The following SLC22A24 variants were observed in gnomAD, a reference collection of about 807,000 sequenced individuals.
The protein encoded by SLC22A24 is steroid transmembrane transporter SLC22A24.
SLC22A24 carries 53 observed loss-of-function variants against 49.8 expected under a neutral mutation model. The observed-to-expected ratio is 1.06, with a 90% confidence interval of 0.85 to 1.34. The LOEUF is 1.34. Among genes scored for constraint, SLC22A24 ranks in the 40% most tolerant of loss-of-function variants. The probability of loss-of-function intolerance (pLI) is 0.00; values close to 1 mark genes in which losing one functional copy is unlikely to be tolerated. For missense variants in SLC22A24, 786 were observed against 675.9 expected (o/e 1.16, Z -1.81); for synonymous variants, 302 against 256.4 (o/e 1.18, Z -1.70).
At chr11:63,096,970 G>A (rs2087058511) in intron 5 of SLC22A24, among the ~76,000 whole-genome samples, 1 of 152,042 alleles carries the variant, frequency 6.6e-6, no homozygotes. Context: ...AATATAAAAT[G>A]TATTTAGCAC....
intron 6 of SLC22A24, among the ~76,000 whole-genome samples, chr11:63,091,926 G>T (rs1314619658): frequency 3.9e-5 from 6 of 152,090 alleles, no homozygotes. Context: ...GCATGAGAAA[G>T]AAATAAAGGT....
intron 2 of SLC22A24, among the ~76,000 whole-genome samples, chr11:63,130,154 A>G (rs999755788): frequency 2.8e-4 from 42 of 152,178 alleles, no homozygotes; most frequent in African/African-American, 9.9e-4. Context: ...CGTTCCATCT[A>G]TACCTAGTTT....
chr11:63,139,573 C>T (rs1344769717), intron 1 of SLC22A24, among the ~76,000 whole-genome samples: 1 of 152,138 alleles, frequency 6.6e-6, no homozygotes, highest in African/African-American at 2.4e-5. Context: ...TCCCCAACCC[C>T]CAATGAGAAA....
intron 1 of SLC22A24, among the ~76,000 whole-genome samples, chr11:63,141,325 G>T (rs2087414357): frequency 6.6e-6 from 1 of 152,188 alleles, no homozygotes; most frequent in South Asian, 2.1e-4. Flanking sequence ...TAAACGGCAG[G>T]AAATAAAAGG....
Position 63,108,417 on chromosome 11 carries a change from G to C in SLC22A24, c.831-4119C>G, listed in dbSNP as rs140757513. ...TCTTTTTTTGTTGTGTCTCTGCCTGGCATTGGTATCATGATGTTGCTGGCC... is the reference window on the plus strand; with the variant it reads ...TCTTTTTTTGTTGTGTCTCTGCCTGCCATTGGTATCATGATGTTGCTGGCC... On this transcript the variant is annotated intron_variant, in intron 4 of 9. Coordinates refer to ENST00000612278, the MANE Select transcript of SLC22A24 (RefSeq NM_001136506.2). Among the ~76,000 whole-genome samples, 17 of 152,214 alleles carry C rather than the reference G, an allele frequency of 1.1e-4. 1 individual carries two copies. In the East Asian group the frequency reaches 3.3e-3, roughly 29 times the overall value.
At chr11:63,082,870 C>A in intron 7 of SLC22A24, among the ~76,000 whole-genome samples, 1 of 152,232 alleles carries the variant, frequency 6.6e-6, no homozygotes, top group East Asian at 1.9e-4. Context: ...ATTGTGTGCC[C>A]ACTTTGGCAT....
chr11:63,134,745 CTG>C lies in SLC22A24; in HGVS notation c.424_425del (p.Gln142ValfsTer45). ...GGGATTGAACCATTGATTTTAGTGA[CTG>C]AGATTCACATACCAGGTCCCACTGG... The part of the protein sequence containing the change: ...VTEWDLVCES[Q>X]SLKSMVQSLF... On this transcript the variant is annotated frameshift_variant, in exon 2 of 10. Coordinates refer to ENST00000612278, the MANE Select transcript of SLC22A24 (RefSeq NM_001136506.2). LOFTEE classifies it high-confidence loss of function. The C allele has an allele frequency of 6.4e-7, 1 of 1,572,216 alleles. No homozygotes were observed. Among genetic ancestry groups the C allele is most frequent in the Non-Finnish European group, 8.6e-7 (1 of 1,156,974 alleles).
intron 4 of SLC22A24, among the ~76,000 whole-genome samples, chr11:63,109,979 A>G (rs2087150874): frequency 6.6e-6 from 1 of 152,162 alleles, no homozygotes; most frequent in Non-Finnish European, 1.5e-5. Flanking sequence ...TTATGGTTTT[A>G]GATCTAACGT....
intron 5 of SLC22A24, among the ~76,000 whole-genome samples, chr11:63,099,967 C>T (rs2134648227): frequency 6.6e-6 from 1 of 152,102 alleles, no homozygotes; most frequent in East Asian, 1.9e-4. Context: ...ACAGCTAGTA[C>T]CATAGTAAAT....
chr11:63,107,149 G>A (rs951586077), intron 4 of SLC22A24, among the ~76,000 whole-genome samples: 1 of 152,126 alleles, frequency 6.6e-6, no homozygotes, highest in African/African-American at 2.4e-5. Context: ...TTCTACATAT[G>A]GCTAGCCAGT....
chr11:63,100,354 T>G (rs1218383003), intron 5 of SLC22A24, among the ~76,000 whole-genome samples: 1 of 152,086 alleles, frequency 6.6e-6, no homozygotes, highest in Non-Finnish European at 1.5e-5. Context: ...AATAAATTTT[T>G]AATCAAAGAA....
At position 63,143,512 on chromosome 11, in the gene SLC22A24, G is replaced by A. The variant is rs556942414; in HGVS notation, c.268C>T (p.Arg90Cys). Residue 90 changes from arginine (R) to cysteine (C), a missense_variant, in exon 1 of 10, where the codon CGC becomes TGC. Coordinates refer to ENST00000612278, the MANE Select transcript of SLC22A24 (RefSeq NM_001136506.2). ...AGCTGCCACTGGGGATGGATAAAGC[G>A]CTGACACTTCTGTGGCCTCAGGTTT... ...DSNLRPQKCQRFIHPQWQLLH... is the reference protein window; with the variant it reads ...DSNLRPQKCQCFIHPQWQLLH... The A allele has an allele frequency of 3.2e-4, 509 of 1,599,856 alleles. No individual in the cohort carries two copies. Among genetic ancestry groups the A allele is most frequent in the Middle Eastern group, 6.7e-4 (4 of 6,002 alleles).
intron 5 of SLC22A24, among the ~76,000 whole-genome samples, chr11:63,103,518 A>G (rs1364812270): frequency 1.3e-5 from 2 of 152,162 alleles, no homozygotes; most frequent in South Asian, 2.1e-4. Flanking sequence ...CTGGTAGGCA[A>G]TAAGCATTTT....
intron 5 of SLC22A24, among the ~76,000 whole-genome samples, chr11:63,099,634 C>A (rs2087078500): frequency 6.6e-6 from 1 of 151,918 alleles, no homozygotes; most frequent in Non-Finnish European, 1.5e-5. Flanking sequence ...AAGAAAACTA[C>A]AGGTTAATAT....
chr11:63,134,140 A>G (rs1490947503), intron 2 of SLC22A24, among the ~76,000 whole-genome samples: 1 of 152,150 alleles, frequency 6.6e-6, no homozygotes, highest in Non-Finnish European at 1.5e-5. Flanking sequence ...CTGCACAACC[A>G]TCAGATTTTA....
chr11:63,087,723 C>T (rs891327123), intron 6 of SLC22A24, among the ~76,000 whole-genome samples: 7 of 152,088 alleles, frequency 4.6e-5, no homozygotes, highest in Non-Finnish European at 8.8e-5. Context: ...CTGCCTGGGA[C>T]GATGGAGCTT....
In SLC22A24 at chr11:63,096,038, G is replaced by A. The variant is rs1257121087; in HGVS notation, c.1023C>T (p.Phe341=). 3.9e-6 allele frequency: 6 copies of A among 1,550,896 alleles called. No homozygotes were observed. Among genetic ancestry groups the A allele is most frequent in the Non-Finnish European group, 5.2e-6 (6 of 1,146,472 alleles). The change falls in exon 6 of 10, where the codon TTC becomes TTT. Residue 341 remains phenylalanine (F), a synonymous_variant. Transcript: ENST00000612278. The part of the protein sequence containing the change: ...VRIKTSIFSL[F]RAPKLRMRVF... ...CTCTCATTCGCAATTTGGGTGCACG[G>A]AACAGGGAAAAAATGGATGTTTTAA...
intron 6 of SLC22A24, among the ~76,000 whole-genome samples, chr11:63,094,216 C>T (rs572323480): frequency 9.6e-5 from 14 of 145,688 alleles, no homozygotes; most frequent in African/African-American, 3.5e-4. Context: ...TGTTCAATTC[C>T]CACCTATGAG....
intron 5 of SLC22A24, among the ~76,000 whole-genome samples, chr11:63,098,486 G>A (rs1162325582): frequency 6.6e-6 from 1 of 152,054 alleles, no homozygotes; most frequent in African/African-American, 2.4e-5. Context: ...TGGCCAACAT[G>A]GTGAAAACCT....
Sources: allele counts gnomAD v4.1 joint callset (sites outside exome capture counted in the v4.1 genomes callset), GRCh38; gene constraint gnomAD v4.1.1; transcripts MANE v1.5; gene names NCBI Gene and HGNC (gene_info 2026-07-23, HGNC 2026-07-21).